Variants in KCNIP1 observed in about 807,000 individuals in gnomAD.
The protein encoded by KCNIP1 is A-type potassium channel modulatory protein KCNIP1.
In KCNIP1, 18 loss-of-function variants were observed where a neutral mutation model predicts 33.0. The ratio of observed to expected loss-of-function variants is 0.55; its 90% confidence interval spans 0.38 to 0.81. The LOEUF (loss-of-function observed/expected upper bound fraction) is 0.81. Ranked by LOEUF, KCNIP1 falls within the 30% of genes least tolerant of loss-of-function variation. The pLI is 0.00. For missense variants in KCNIP1, 238 were observed against 271.6 expected (o/e 0.88, Z 0.87); for synonymous variants, 93 against 98.3 (o/e 0.95, Z 0.32).
chr5:170,428,016 C>T lies in KCNIP1; in HGVS notation c.88+74052C>T, dbSNP rs149982299. 4.8e-3 allele frequency among the ~76,000 whole-genome samples: 729 copies of T among 152,324 alleles called. 2 individuals are homozygous for T. The highest frequency in any genetic ancestry group is 0.017 in the African/African-American group (692 of 41,554). Reference sequence around the variant, plus strand: ...CCAGAATGCCTTCCTCTCTCCTCCACGTGGTGAGCTCCTATTCATACTTCA... The same window carrying T: ...CCAGAATGCCTTCCTCTCTCCTCCATGTGGTGAGCTCCTATTCATACTTCA... On this transcript the variant is annotated intron_variant, in intron 1 of 7. Coordinates refer to the KCNIP1 transcript ENST00000377360.
intron 1 of KCNIP1, among the ~76,000 whole-genome samples, chr5:170,646,390 G>A (rs2339094): frequency 0.66 from 99,856 of 152,048 alleles, 34,153 homozygotes; most frequent in African/African-American, 0.85. Flanking sequence ...AGAATTATAA[G>A]CCATGACCAA....
At chr5:170,384,322 C>T (rs1050518874) in intron 1 of KCNIP1, among the ~76,000 whole-genome samples, 6 of 152,188 alleles carry the variant, frequency 3.9e-5, no homozygotes, top group African/African-American at 1.4e-4. Context: ...TTGCTGAGAC[C>T]TTGCAGGACC....
At chr5:170,609,761 G>T (rs1159059344) in intron 1 of KCNIP1, among the ~76,000 whole-genome samples, 1 of 152,162 alleles carries the variant, frequency 6.6e-6, no homozygotes, top group Non-Finnish European at 1.5e-5. Context: ...GGAGACTGAG[G>T]CAGGAAGATG....
chr5:170,706,519 G>A (rs1452531262), intron 1 of KCNIP1, among the ~76,000 whole-genome samples: 2 of 152,180 alleles, frequency 1.3e-5, no homozygotes, highest in African/African-American at 4.8e-5. Flanking sequence ...ACCAACGCTA[G>A]CTCTCTAATC....
chr5:170,363,274 C>T (rs1253661177), intron 1 of KCNIP1, among the ~76,000 whole-genome samples: 3 of 152,234 alleles, frequency 2.0e-5, no homozygotes, highest in African/African-American at 7.2e-5. Flanking sequence ...AGCACCGTCA[C>T]TTCTGTCACA....
chr5:170,367,437 AGGAAAGAAAG>A lies in KCNIP1; in HGVS notation c.88+13475_88+13484del, dbSNP rs1763721675. 9.2e-5 allele frequency among the ~76,000 whole-genome samples: 13 copies of A among 140,606 alleles called. 1 individual carries two copies. Among genetic ancestry groups the A allele is most frequent in the African/African-American group, 1.4e-4 (5 of 35,692 alleles). The allele number at this position is 140,606 out of a possible 152,430, so 92.2% of individuals were successfully genotyped here. A position where few individuals can be genotyped will look rare whatever the true frequency, so the allele number is the denominator to read the frequency against. On this transcript the variant is annotated intron_variant, in intron 1 of 7. Coordinates refer to the KCNIP1 transcript ENST00000377360. The stretch of plus-strand genomic sequence containing the variant: ...AGAAAGAAAGGAAAGAAAGAAAGAA[AGGAAAGAAAG>A]GAAAGAAAGAAAGAAAGAAAGAATG...
At chr5:170,433,020 G>A (rs1693885945) in intron 1 of KCNIP1, among the ~76,000 whole-genome samples, 1 of 152,126 alleles carries the variant, frequency 6.6e-6, no homozygotes, top group South Asian at 2.1e-4. Context: ...GTGTTAAATA[G>A]GAGGAGACTG....
At chr5:170,417,379 G>T (rs1349617493) in intron 1 of KCNIP1, among the ~76,000 whole-genome samples, 1 of 152,164 alleles carries the variant, frequency 6.6e-6, no homozygotes, top group Non-Finnish European at 1.5e-5. Flanking sequence ...TTGAGTAAAA[G>T]AATAAGCAGC....
chr5:170,621,465 G>A (rs1759600091), intron 1 of KCNIP1, among the ~76,000 whole-genome samples: 2 of 152,266 alleles, frequency 1.3e-5, no homozygotes, highest in South Asian at 4.1e-4. Context: ...GCAGCCATGA[G>A]GGTCAGCACT....
At chr5:170,662,120 G>A (rs1761522158) in intron 1 of KCNIP1, among the ~76,000 whole-genome samples, 1 of 152,158 alleles carries the variant, frequency 6.6e-6, no homozygotes, top group Admixed American at 6.5e-5. Flanking sequence ...ACCCAATCCA[G>A]GTATTGCAGG....
At chr5:170,693,121 C>T (rs985956907) in intron 1 of KCNIP1, among the ~76,000 whole-genome samples, 7 of 152,212 alleles carry the variant, frequency 4.6e-5, no homozygotes, top group Admixed American at 2.6e-4. Flanking sequence ...AATGGAAATG[C>T]CCAGCCCAGA....
rs60283715 is a variant in KCNIP1, at chr5:170,411,371, G to A, written c.88+57407G>A. Among the ~76,000 whole-genome samples the A allele has an allele frequency of 7.4e-3, 1,130 of 152,310 alleles. 19 individuals carry two copies. Among genetic ancestry groups the A allele is most frequent in the African/African-American group, 0.026 (1,074 of 41,554 alleles). ...AGTCATGGTTCAAACCCAGGGGTTCGTACCTTCAAAGACCAAGTTCTCATC... is the reference window on the plus strand; with the variant it reads ...AGTCATGGTTCAAACCCAGGGGTTCATACCTTCAAAGACCAAGTTCTCATC... On this transcript the variant is annotated intron_variant, in intron 1 of 7. Coordinates refer to the KCNIP1 transcript ENST00000377360.
intron 1 of KCNIP1, among the ~76,000 whole-genome samples, chr5:170,708,904 A>C (rs184757697): frequency 2.2e-3 from 338 of 152,346 alleles, no homozygotes; most frequent in Non-Finnish European, 4.3e-3. Flanking sequence ...GTCTCAAAAA[A>C]AGAAAAAAAG....
intron 1 of KCNIP1, among the ~76,000 whole-genome samples, chr5:170,426,587 C>T (rs1181722698): frequency 6.6e-6 from 1 of 152,234 alleles, no homozygotes; most frequent in Non-Finnish European, 1.5e-5. Context: ...CTATCAGCCG[C>T]ATCTAGCACT....
At chr5:170,355,269 T>C (rs1763315757) in intron 1 of KCNIP1, among the ~76,000 whole-genome samples, 1 of 152,074 alleles carries the variant, frequency 6.6e-6, no homozygotes, top group South Asian at 2.1e-4. Context: ...AGAAGTGGGG[T>C]AAACAGGAGG....
chr5:170,359,638 G>A (rs1046108033), intron 1 of KCNIP1, among the ~76,000 whole-genome samples: 2 of 152,144 alleles, frequency 1.3e-5, no homozygotes, highest in Non-Finnish European at 2.9e-5. Flanking sequence ...GGGCTTCTGG[G>A]TCCCTGCCTA....
intron 1 of KCNIP1, among the ~76,000 whole-genome samples, chr5:170,356,672 G>A (rs1763356193): frequency 6.6e-6 from 1 of 152,126 alleles, no homozygotes; most frequent in African/African-American, 2.4e-5. Flanking sequence ...CTCCATCATG[G>A]CAAGACCATG....
At chr5:170,439,711 C>T (rs901438207) in intron 1 of KCNIP1, among the ~76,000 whole-genome samples, 2 of 152,232 alleles carry the variant, frequency 1.3e-5, no homozygotes, top group African/African-American at 2.4e-5. Context: ...GCAGGCCTGG[C>T]AAGTCCCTAA....
intron 1 of KCNIP1, among the ~76,000 whole-genome samples, chr5:170,498,019 T>C (rs1294891429): frequency 6.6e-6 from 1 of 152,210 alleles, no homozygotes. Context: ...CTCCAGAACA[T>C]GATCAACCGG....
Sources: gnomAD v4.1 joint callset for allele counts (sites outside exome capture counted in the v4.1 genomes callset) on GRCh38, gnomAD v4.1.1 for gene constraint, MANE v1.5 for transcripts, NCBI Gene and HGNC (gene_info 2026-07-23, HGNC 2026-07-21) for gene names.